Variants in ASIC2 observed in about 807,000 individuals in gnomAD.
ASIC2 encodes the protein acid-sensing ion channel 2.
Under a neutral mutation model 57.3 loss-of-function variants are expected in ASIC2, and 25 were observed. That is an observed-to-expected ratio of 0.44 (90% CI 0.32 to 0.61). The LOEUF (loss-of-function observed/expected upper bound fraction) is 0.61. Among genes scored for constraint, ASIC2 ranks in the 20% least tolerant of loss-of-function variants. The pLI is 0.06. For synonymous variants in ASIC2, 319 were observed against 307.5 expected, an observed-to-expected ratio of 1.04 and a Z score of -0.39; for missense variants, 641 against 738.1, an observed-to-expected ratio of 0.87 and a Z score of 1.52.
chr17:33,759,137 C>T (rs1030899533), intron 1 of ASIC2, among the ~76,000 whole-genome samples: 1 of 152,186 alleles, frequency 6.6e-6, no homozygotes, highest in African/African-American at 2.4e-5. Flanking sequence ...GAAATATGGA[C>T]AGTAAAGACC....
At chr17:33,482,452 G>T (rs1451258032) in intron 1 of ASIC2, among the ~76,000 whole-genome samples, 1 of 152,202 alleles carries the variant, frequency 6.6e-6, no homozygotes, top group African/African-American at 2.4e-5. Context: ...TCTTAGACTT[G>T]GACTGGATTT....
intron 1 of ASIC2, among the ~76,000 whole-genome samples, chr17:33,608,074 A>T (rs181016746): frequency 6.6e-6 from 1 of 152,238 alleles, no homozygotes; most frequent in East Asian, 1.9e-4. Context: ...AGGAAATACA[A>T]TCGGGCCAAG....
intron 1 of ASIC2, among the ~76,000 whole-genome samples, chr17:33,452,364 T>G (rs1156924146): frequency 2.0e-5 from 3 of 152,258 alleles, no homozygotes; most frequent in African/African-American, 7.2e-5. Context: ...TTAAATCAGA[T>G]AGCTTTGGCT....
At chr17:33,252,254 G>A (rs1038669343) in intron 1 of ASIC2, among the ~76,000 whole-genome samples, 1 of 152,098 alleles carries the variant, frequency 6.6e-6, no homozygotes, top group Non-Finnish European at 1.5e-5. Flanking sequence ...TTTATTAGGC[G>A]TTCAATTTCC....
chr17:33,565,947 G>T (rs191502638), intron 1 of ASIC2: 1 of 152,222 alleles, frequency 6.6e-6, no homozygotes, highest in Non-Finnish European at 1.5e-5. Flanking sequence ...CACACCTGGG[G>T]CTGATTCTGA....
intron 1 of ASIC2, among the ~76,000 whole-genome samples, chr17:33,721,528 T>C (rs1200958647): frequency 6.6e-6 from 1 of 152,188 alleles, no homozygotes; most frequent in East Asian, 1.9e-4. Context: ...TCTGCCAACC[T>C]GGGTCCCTGA....
intron 1 of ASIC2, among the ~76,000 whole-genome samples, chr17:33,739,970 AGAAAG>A (rs1165214136): frequency 6.7e-6 from 1 of 148,870 alleles, no homozygotes; most frequent in Non-Finnish European, 1.5e-5. Flanking sequence ...AAAGAAAAGA[AGAAAG>A]AAAGAAAGAA....
At chr17:33,890,572 T>C (rs1218457698) in intron 1 of ASIC2, among the ~76,000 whole-genome samples, 3 of 152,162 alleles carry the variant, frequency 2.0e-5, no homozygotes, top group Non-Finnish European at 2.9e-5. Flanking sequence ...TCACCAGCCA[T>C]GGATAGGGAC....
chr17:33,206,406 G>A (rs1290631431), intron 1 of ASIC2, among the ~76,000 whole-genome samples: 1 of 152,080 alleles, frequency 6.6e-6, no homozygotes. Context: ...TGTTTGGCTG[G>A]GGAGGAAACC....
At chr17:33,472,819 G>T (rs1458708058) in intron 1 of ASIC2, among the ~76,000 whole-genome samples, 1 of 152,142 alleles carries the variant, frequency 6.6e-6, no homozygotes, top group African/African-American at 2.4e-5. Flanking sequence ...GAGTTTGGTG[G>T]GGTGGTGGGG....
chr17:34,100,184 GTT>G (rs35700595), intron 1 of ASIC2, among the ~76,000 whole-genome samples: 4,187 of 130,620 alleles, frequency 0.032, 217 homozygotes, highest in African/African-American at 0.13. Context: ...TCTCTTTCTT[GTT>G]TTTTTTTTTT....
At chr17:33,111,535 A>G (rs973515414) in intron 2 of ASIC2, among the ~76,000 whole-genome samples, 2 of 151,952 alleles carry the variant, frequency 1.3e-5, no homozygotes, top group Non-Finnish European at 2.9e-5. Context: ...TTCCTTTCAG[A>G]TCTTCTAATT....
intron 1 of ASIC2, among the ~76,000 whole-genome samples, chr17:33,790,347 A>G (rs1181574667): frequency 6.6e-6 from 1 of 152,252 alleles, no homozygotes; most frequent in East Asian, 1.9e-4. Context: ...GAAAATTGTT[A>G]TCACAAAATT....
At chr17:33,767,545 G>C (rs1203523395) in intron 1 of ASIC2, among the ~76,000 whole-genome samples, 1 of 152,080 alleles carries the variant, frequency 6.6e-6, no homozygotes, top group Non-Finnish European at 1.5e-5. Flanking sequence ...AGGCACCCTT[G>C]AATCAATTAA....
At chr17:33,641,015 AG>A (rs1389903095) in intron 1 of ASIC2, among the ~76,000 whole-genome samples, 1 of 152,182 alleles carries the variant, frequency 6.6e-6, no homozygotes, top group Non-Finnish European at 1.5e-5. Flanking sequence ...CTATGGGAGA[AG>A]GGGTCTTCTT....
chr17:33,480,924 A>T (rs893225501), intron 1 of ASIC2, among the ~76,000 whole-genome samples: 3 of 152,008 alleles, frequency 2.0e-5, no homozygotes, highest in Non-Finnish European at 4.4e-5. Context: ...TCCCTCACTT[A>T]GTTCTCCAGG....
At chr17:34,032,707 G>A (rs749002673) in intron 1 of ASIC2, among the ~76,000 whole-genome samples, 2 of 152,154 alleles carry the variant, frequency 1.3e-5, no homozygotes, top group Non-Finnish European at 2.9e-5. Context: ...GGCAGGGATT[G>A]CAATCCTAGT....
At chr17:33,942,218 T>C (rs764227743) in intron 1 of ASIC2, among the ~76,000 whole-genome samples, 4 of 152,052 alleles carry the variant, frequency 2.6e-5, no homozygotes, top group African/African-American at 4.8e-5. Flanking sequence ...AGCTGGGGAA[T>C]CCAAGTGTCA....
chr17:34,008,305 C>A (rs1412305083), intron 1 of ASIC2, among the ~76,000 whole-genome samples: 2 of 152,108 alleles, frequency 1.3e-5, no homozygotes, highest in Non-Finnish European at 2.9e-5. Context: ...CTACAGTAAG[C>A]CAAGCCATGA....
Sources: allele counts gnomAD v4.1 joint callset (sites outside exome capture counted in the v4.1 genomes callset), GRCh38; gene constraint gnomAD v4.1.1; transcripts MANE v1.5; gene names NCBI Gene and HGNC (gene_info 2026-07-23, HGNC 2026-07-21).